The following FBLN2 variants were observed in gnomAD, a reference collection of about 807,000 sequenced individuals.
FBLN2 encodes fibulin-2.
FBLN2 carries 81 observed loss-of-function variants against 123.7 expected under a neutral mutation model. The observed-to-expected ratio is 0.65, with a 90% confidence interval of 0.55 to 0.79. The LOEUF is 0.79. Among genes scored for constraint, FBLN2 ranks in the 30% least tolerant of loss-of-function variants. The pLI is 0.00. For synonymous variants in FBLN2, 699 were observed against 701.4 expected, an observed-to-expected ratio of 1.00 and a Z score of 0.05; for missense variants, 1,603 against 1,681.3, an observed-to-expected ratio of 0.95 and a Z score of 0.81.
intron 2 of FBLN2, among the ~76,000 whole-genome samples, chr3:13,581,009 A>G (rs1277576962): frequency 1.3e-5 from 2 of 152,224 alleles, no homozygotes; most frequent in African/African-American, 4.8e-5. Flanking sequence ...CCAGCTGGTT[A>G]GCTCTGGCGT....
chr3:13,579,723 C>G (rs1467402523), intron 2 of FBLN2, among the ~76,000 whole-genome samples: 1 of 152,242 alleles, frequency 6.6e-6, no homozygotes, highest in East Asian at 1.9e-4. Context: ...TGGTTCCAGT[C>G]TTTTGCTCTT....
Position 13,638,102 on chromosome 3 carries a change from G to A in FBLN2, c.*183G>A. 1.5e-6 allele frequency: 1 copy of A among 680,312 alleles called. No individual in the cohort carries two copies. The highest frequency in any genetic ancestry group is 2.5e-6 in the Non-Finnish European group (1 of 394,616). The allele number at this position is 680,312 out of a possible 1,614,324, so 42.1% of individuals were successfully genotyped here. A position where few individuals can be genotyped will look rare whatever the true frequency, so the allele number is the denominator to read the frequency against. On this transcript the variant is annotated 3_prime_UTR_variant, in exon 18 of 18. Transcript: ENST00000404922. ...AGGAGGAAGTTCCACGGCAGGTGGT[G>A]CGTTCCCACGCAGGCACCAAGTGGA...
intron 2 of FBLN2, among the ~76,000 whole-genome samples, chr3:13,573,130 G>C (rs1160506908): frequency 6.6e-6 from 1 of 152,138 alleles, no homozygotes; most frequent in Non-Finnish European, 1.5e-5. Flanking sequence ...CCCCGCACCT[G>C]GGGGGAGCGC....
At chr3:13,580,129 T>TGG (rs1195162029) in intron 2 of FBLN2, among the ~76,000 whole-genome samples, 10 of 152,226 alleles carry the variant, frequency 6.6e-5, no homozygotes, top group African/African-American at 2.4e-4. Flanking sequence ...GTTCCCCGGC[T>TGG]GGGGGCATTG....
intron 8 of FBLN2, 104 bp downstream of exon 8, chr3:13,619,935 C>A: frequency 1.2e-6 from 1 of 823,122 alleles, no homozygotes; most frequent in Non-Finnish European, 1.9e-6. Flanking sequence ...TGAGTTTGTG[C>A]AGGAAGAGTC....
intron 1 of FBLN2, among the ~76,000 whole-genome samples, chr3:13,552,587 C>G (rs1282169873): frequency 6.6e-6 from 1 of 152,144 alleles, no homozygotes; most frequent in African/African-American, 2.4e-5. Context: ...ATAGACCAGA[C>G]AGAGGCGCTG....
chr3:13,569,250 T>G (rs1574948608), intron 1 of FBLN2, among the ~76,000 whole-genome samples: 1 of 149,340 alleles, frequency 6.7e-6, no homozygotes, highest in Non-Finnish European at 1.5e-5. Context: ...TGTGGGAGGG[T>G]CGGGTTGGGA....
At chr3:13,579,238 G>A (rs889761826) in intron 2 of FBLN2, among the ~76,000 whole-genome samples, 1 of 152,186 alleles carries the variant, frequency 6.6e-6, no homozygotes, top group Non-Finnish European at 1.5e-5. Flanking sequence ...ATGATGCTGA[G>A]CATGTGTTCA....
At chr3:13,631,186 CT>C (rs1277473803) in intron 15 of FBLN2, 142 bp from the exon 16 acceptor site, 7 of 1,102,202 alleles carry the variant, frequency 6.4e-6, no homozygotes, top group Non-Finnish European at 8.9e-6. Flanking sequence ...TTGGGCAACT[CT>C]CTTCTACTCT....
In FBLN2 at chr3:13,604,437, C is replaced by T. The variant is rs1574975780; in HGVS notation, c.1307-3625C>T. 2.6e-5 allele frequency among the ~76,000 whole-genome samples: 4 copies of T among 152,234 alleles called. No homozygotes were observed. In the East Asian group the frequency reaches 7.7e-4, roughly 29 times the overall value. On this transcript the variant is annotated intron_variant, in intron 2 of 17. Coordinates refer to ENST00000404922, the MANE Select transcript of FBLN2 (RefSeq NM_001004019.2). Reference sequence around the variant, plus strand: ...AAGGTGTAAGGAAGGGATCCAGTTTCAGCTTTCTACATATGGCTAGCCAGT... The same window carrying T: ...AAGGTGTAAGGAAGGGATCCAGTTTTAGCTTTCTACATATGGCTAGCCAGT...
chr3:13,575,228 A>G lies in FBLN2; in HGVS notation c.1306+3567A>G, dbSNP rs1704096607. Among the ~76,000 whole-genome samples the G allele has an allele frequency of 4.6e-5, 7 of 152,288 alleles. No homozygotes were observed. The South Asian group carries it at 1.2e-3, about 27-fold the overall frequency. ...GGTGGAAAAACTGAGGCACAAAACC[A>G]TAAGCCGCATGCTCAGATTCTGTGG... On this transcript the variant is annotated intron_variant, in intron 2 of 17. Coordinates refer to ENST00000404922, the MANE Select transcript of FBLN2 (RefSeq NM_001004019.2).
rs560938017 is a variant in FBLN2, at chr3:13,558,202, C to T, written c.-42+8994C>T. Among the ~76,000 whole-genome samples the T allele has an allele frequency of 5.3e-5, 8 of 152,278 alleles. No homozygotes were observed. The South Asian group carries it at 8.3e-4, about 16-fold the overall frequency. Reference sequence around the variant, plus strand: ...AAGGGAGCCTGGTTCTGCCGTAGGCCGGCCCCGCCTGCCTGTCTCCATCGC... The same window carrying T: ...AAGGGAGCCTGGTTCTGCCGTAGGCTGGCCCCGCCTGCCTGTCTCCATCGC... On this transcript the variant is annotated intron_variant, in intron 1 of 17. Transcript: ENST00000404922.
Position 13,614,076 on chromosome 3 carries a change from T to C in FBLN2, c.1641T>C (p.His547=). ...CTAACCTGGGCTATCCCTGCAATCA[T>C]GTCATGCTCTCCTGCTGTGAGGGTG... ...SNPNLGYPCN[H]VMLSCCEGEE... is the part of the protein sequence containing the mutation. The change falls in exon 5 of 18, where the codon CAT becomes CAC. Residue 547 remains histidine (H), a synonymous_variant. Transcript: ENST00000404922. The C allele has an allele frequency of 6.2e-7, 1 of 1,613,780 alleles. No individual in the cohort carries two copies. Among genetic ancestry groups the C allele is most frequent in the East Asian group, 2.2e-5 (1 of 44,870 alleles).
chr3:13,601,857 G>A (rs1290740685), intron 2 of FBLN2, among the ~76,000 whole-genome samples: 1 of 152,212 alleles, frequency 6.6e-6, no homozygotes, highest in Non-Finnish European at 1.5e-5. Context: ...AAGTGCAGTG[G>A]CACAAGCATG....
intron 9 of FBLN2, among the ~76,000 whole-genome samples, chr3:13,624,742 G>A (rs1705967805): frequency 6.6e-6 from 1 of 152,258 alleles, no homozygotes; most frequent in African/African-American, 2.4e-5. Flanking sequence ...TGTCCTTGAG[G>A]GCCGGGGCTG....
intron 8 of FBLN2, 68 bp from the exon 9 acceptor site, chr3:13,621,707 T>C (rs1705856461): frequency 1.9e-6 from 3 of 1,563,790 alleles, no homozygotes; most frequent in Non-Finnish European, 2.6e-6. Context: ...CTCCTGTCAC[T>C]GGATGCTCCG....
At chr3:13,604,909 T>C (rs1462049839) in intron 2 of FBLN2, among the ~76,000 whole-genome samples, 1 of 152,254 alleles carries the variant, frequency 6.6e-6, no homozygotes, top group Non-Finnish European at 1.5e-5. Context: ...GGTTGGAGTG[T>C]GCAGGTGCCG....
intron 1 of FBLN2, among the ~76,000 whole-genome samples, chr3:13,557,229 C>A (rs557054253): frequency 6.6e-6 from 1 of 152,334 alleles, no homozygotes; most frequent in South Asian, 2.1e-4. Flanking sequence ...TTCCCTGAGC[C>A]TGGGGACTGA....
At chr3:13,562,336 T>C (rs145903688) in intron 1 of FBLN2, among the ~76,000 whole-genome samples, 26 of 152,012 alleles carry the variant, frequency 1.7e-4, no homozygotes, top group Non-Finnish European at 2.8e-4. Flanking sequence ...TTTGGTAAAA[T>C]ATACGTAACA....
Sources: allele counts gnomAD v4.1 joint callset (sites outside exome capture counted in the v4.1 genomes callset), GRCh38; gene constraint gnomAD v4.1.1; transcripts MANE v1.5; gene names NCBI Gene and HGNC (gene_info 2026-07-23, HGNC 2026-07-21).